Variants in NEURL3 observed in about 807,000 individuals in gnomAD.
The protein encoded by NEURL3 is neuralized E3 ubiquitin protein ligase 3.
NEURL3 carries 19 observed loss-of-function variants against 17.6 expected under a neutral mutation model. The ratio of observed to expected loss-of-function variants is 1.08; its 90% CI spans 0.75 to 1.58. NEURL3 has a LOEUF of 1.58. Among genes scored for constraint, NEURL3 ranks in the 40% most tolerant of loss-of-function variants. The probability of loss-of-function intolerance (pLI) is 0.00; values close to 1 mark genes in which losing one functional copy is unlikely to be tolerated. For missense variants in NEURL3, 342 were observed against 379.6 expected, an observed-to-expected ratio of 0.90 and a Z score of 0.82; for synonymous variants, 180 against 161.4, an observed-to-expected ratio of 1.11 and a Z score of -0.87.
At chr2:96,500,199 AACAG>A in intron 2 of NEURL3, 1 of 568,536 alleles carries the variant, frequency 1.8e-6, no homozygotes, top group Non-Finnish European at 3.1e-6. Flanking sequence ...GTGTTTGAGT[AACAG>A]ATGGTGTGAG....
chr2:96,501,200 A>G (rs1390425154), intron 1 of NEURL3, among the ~76,000 whole-genome samples: 2 of 152,132 alleles, frequency 1.3e-5, no homozygotes, highest in East Asian at 1.9e-4. Flanking sequence ...TGTTTGTTAT[A>G]CACGGTTTTT....
chr2:96,507,739 G>C (rs1363078569), upstream of NEURL3: 1 of 152,420 alleles, frequency 6.6e-6, no homozygotes, highest in Non-Finnish European at 1.5e-5. Context: ...TGGGATTACA[G>C]GCGTGAGCCA....
intron 1 of NEURL3, among the ~76,000 whole-genome samples, chr2:96,501,133 T>C (rs573744807): frequency 3.3e-5 from 5 of 152,348 alleles, no homozygotes; most frequent in African/African-American, 1.2e-4. Flanking sequence ...ACCAATCTAG[T>C]AATGGTTATT....
At chr2:96,501,554 G>A (rs2065507560) in intron 1 of NEURL3, among the ~76,000 whole-genome samples, 1 of 152,084 alleles carries the variant, frequency 6.6e-6, no homozygotes, top group Admixed American at 6.6e-5. Context: ...AAGGGGCTTG[G>A]CTGCTCCCCA....
chr2:96,500,392 G>A (rs1325965794), intron 2 of NEURL3, 47 bp downstream of exon 2: 1 of 1,592,848 alleles, frequency 6.3e-7, no homozygotes, highest in African/African-American at 1.3e-5. Context: ...TGCCACTGGA[G>A]CCCCCATCTC....
Position 96,500,779 on chromosome 2 carries a change from G to GC in NEURL3, c.173dup (p.Glu59ArgfsTer56). Reference sequence around the variant, plus strand: ...GCAGCACTCGCAGCGCCACACGCTCGCCCAGGCGCACCGGCCGCTGGCTGA... The same window carrying GC: ...GCAGCACTCGCAGCGCCACACGCTCGCCCCAGGCGCACCGGCCGCTGGCTGA... On this transcript the variant is annotated frameshift_variant, in exon 2 of 4. Coordinates refer to ENST00000451794, the MANE Select transcript of NEURL3 (RefSeq NM_001285485.2). LOFTEE classifies it high-confidence loss of function. The GC allele has an allele frequency of 6.6e-7, 1 of 1,526,200 alleles. No homozygotes were observed. Among genetic ancestry groups the GC allele is most frequent in the Non-Finnish European group, 8.8e-7 (1 of 1,142,310 alleles). The allele number at this position is 1,526,200 out of a possible 1,614,324, so 94.5% of individuals were successfully genotyped here.
rs2065470433 is a variant in NEURL3 at position 96,498,902 on chromosome 2, C to T, written c.587-456G>A. The stretch of plus-strand genomic sequence containing the variant: ...AAGCCATCCTTCCACCTCAGCCTCC[C>T]GAGTAGCTGGGGCCACAGACATGCA... On this transcript the variant is annotated intron_variant, in intron 3 of 3. Transcript: ENST00000451794. This position sits in a 1 kb window ranked among gnomAD's most constrained non-coding sequence, Gnocchi z 4.4. Among the ~76,000 whole-genome samples, 1 of 152,142 alleles carries T rather than the reference C, an allele frequency of 6.6e-6. No individual in the cohort carries two copies. Among genetic ancestry groups the T allele is most frequent in the African/African-American group, 2.4e-5 (1 of 41,420 alleles).
chr2:96,500,459 G>C lies in NEURL3; in HGVS notation c.494C>G (p.Thr165Ser), dbSNP rs1284423264. ...LWAVMDVYGTTKAIELLDPTA... is the reference protein window; with the variant it reads ...LWAVMDVYGTSKAIELLDPTA... Reference sequence around the variant, plus strand: ...CTCACCCAGCAGCTCGATGGCCTTAGTGGTCCCATACACGTCCATCACGGC... The same window carrying C: ...CTCACCCAGCAGCTCGATGGCCTTACTGGTCCCATACACGTCCATCACGGC... The change falls in exon 2 of 4, where the codon ACT (threonine) becomes AGT (serine). Residue 165 changes from threonine to serine, a missense_variant. Thr to Ser is a moderately conservative substitution (Grantham distance 58). Transcript: ENST00000451794. 20 of 1,597,282 alleles carry C rather than the reference G, an allele frequency of 1.3e-5. No homozygotes were observed. Among genetic ancestry groups the C allele is most frequent in the Non-Finnish European group, 1.6e-5 (19 of 1,179,266 alleles).
At chr2:96,502,343 T>C (rs2065517103) in intron 1 of NEURL3, among the ~76,000 whole-genome samples, 2 of 152,150 alleles carry the variant, frequency 1.3e-5, no homozygotes, top group South Asian at 2.1e-4. Flanking sequence ...CTGACATCAG[T>C]GAACCTGACC....
chr2:96,505,541 C>G (rs1186022211), upstream of NEURL3, among the ~76,000 whole-genome samples: 2 of 152,328 alleles, frequency 1.3e-5, no homozygotes, highest in East Asian at 3.9e-4. Flanking sequence ...GGGGGTCTGG[C>G]CTGGGTAGGT....
intron 1 of NEURL3, 89 bp from the exon 2 acceptor site, chr2:96,501,013 C>A: frequency 7.2e-7 from 1 of 1,382,172 alleles, no homozygotes; most frequent in East Asian, 2.8e-5. Context: ...GAGTCCCTCA[C>A]ACCTGGGAGC....
intron 1 of NEURL3, among the ~76,000 whole-genome samples, chr2:96,501,802 T>G (rs1372324837): frequency 6.6e-6 from 1 of 152,142 alleles, no homozygotes; most frequent in Non-Finnish European, 1.5e-5. Context: ...CCTCCCCTCC[T>G]GGTCCTGCTC....
At chr2:96,504,258 T>C (rs942326402) in intron 1 of NEURL3, among the ~76,000 whole-genome samples, 1 of 122,064 alleles carries the variant, frequency 8.2e-6, no homozygotes, top group Non-Finnish European at 1.7e-5. Context: ...CTTTGCAGCC[T>C]CTTTTTCTCC....
Position 96,498,846 on chromosome 2 carries a change from C to T in NEURL3, c.587-400G>A, listed in dbSNP as rs1341128660. Reference sequence around the variant, plus strand: ...AGGCTGGAGTGCAGTGGTGTGATCACAGCTCACTGCAGCCTCAGCCAGCTG... The same window carrying T: ...AGGCTGGAGTGCAGTGGTGTGATCATAGCTCACTGCAGCCTCAGCCAGCTG... On this transcript the variant is annotated intron_variant, in intron 3 of 3. Transcript: ENST00000451794. The surrounding 1 kb of genome is among the most constrained non-coding windows in gnomAD (Gnocchi z 4.4). Among the ~76,000 whole-genome samples the T allele has an allele frequency of 6.6e-6, 1 of 152,128 alleles. No individual in the cohort carries two copies. The highest frequency in any genetic ancestry group is 2.4e-5 in the African/African-American group (1 of 41,412).
rs748689310 is a variant in NEURL3 at position 96,500,751 on chromosome 2, C to T, written c.202G>A (p.Glu68Lys). Residue 68 changes from glutamate (E) to lysine (K), a missense_variant, in exon 2 of 4, where the codon GAG becomes AAG. Coordinates refer to ENST00000451794, the MANE Select transcript of NEURL3 (RefSeq NM_001285485.2). ...GERVALRVLR[E>K]ESGWCGGLRV... is the part of the protein sequence containing the mutation. The stretch of plus-strand genomic sequence containing the variant: ...AGGCCGCCGCACCAGCCGCTCTCCT[C>T]CCGCAGCACTCGCAGCGCCACACGC... The T allele has an allele frequency of 7.8e-5, 119 of 1,523,778 alleles. No individual in the cohort carries two copies. The highest frequency in any genetic ancestry group is 7.6e-4 in the South Asian group (63 of 83,146). 94.4% of individuals were successfully genotyped at this position (1,523,778 alleles called of 1,614,324 possible).
In NEURL3 at chr2:96,500,897, C is replaced by A; in HGVS notation, c.56G>T (p.Arg19Leu). The A allele has an allele frequency of 1.3e-6, 2 of 1,564,612 alleles. No individual in the cohort carries two copies. The highest frequency in any genetic ancestry group is 1.7e-6 in the Non-Finnish European group (2 of 1,164,408). The change falls in exon 2 of 4, where the codon CGC becomes CTC. Residue 19 changes from arginine (R) to leucine (L), a missense_variant. Transcript: ENST00000451794. ...ANAKAPREAL[R>L]FHAEAKGAQV... ...TGCGCCCTTGGCCTCGGCATGGAAGCGAAGTGCCTCTCGGGGCGCCTTGGC... is the reference window on the plus strand; with the variant it reads ...TGCGCCCTTGGCCTCGGCATGGAAGAGAAGTGCCTCTCGGGGCGCCTTGGC...
At position 96,497,647 on chromosome 2, in the gene NEURL3, T is replaced by A. The variant is rs1260896295; in HGVS notation, c.*597A>T. 6.6e-6 allele frequency: 1 copy of A among 152,346 alleles called. No homozygotes were observed. The highest frequency in any genetic ancestry group is 2.4e-5 in the African/African-American group (1 of 41,422). The allele number at this position is 152,346 out of a possible 1,614,324, so 9.4% of individuals were successfully genotyped here. On this transcript the variant is annotated 3_prime_UTR_variant, in exon 4 of 4. Transcript: ENST00000451794. The stretch of plus-strand genomic sequence containing the variant: ...GAGGATACAGGCACTACAAAATCAT[T>A]CAGGAAACACAAACTTTATTTTGAT...
intron 3 of NEURL3, 87 bp downstream of exon 3, chr2:96,499,291 T>C: frequency 6.5e-7 from 1 of 1,550,064 alleles, no homozygotes; most frequent in African/African-American, 1.4e-5. Context: ...GAGACTTGAA[T>C]GAACAACCAG....
In NEURL3 at chr2:96,500,500, G is replaced by A; in HGVS notation, c.453C>T (p.Val151=). The A allele has an allele frequency of 3.1e-6, 5 of 1,592,800 alleles. No individual in the cohort carries two copies. Among genetic ancestry groups the A allele is most frequent in the Non-Finnish European group, 3.4e-6 (4 of 1,177,592 alleles). The change falls in exon 2 of 4, where the codon GTC becomes GTT. Residue 151 remains valine (V), a synonymous_variant. Coordinates refer to ENST00000451794, the MANE Select transcript of NEURL3 (RefSeq NM_001285485.2). ...CRLLLREGVP[V]GAPLWAVMDV... is the part of the protein sequence containing the mutation. ...CCATCACGGCCCAGAGCGGGGCGCC[G>A]ACGGGCACGCCCTCACGCAGCAGGA...
Sources: allele counts gnomAD v4.1 joint callset (sites outside exome capture counted in the v4.1 genomes callset), GRCh38; gene constraint gnomAD v4.1.1; non-coding constraint Gnocchi (gnomAD v3.1); transcripts MANE v1.5; gene names NCBI Gene and HGNC (gene_info 2026-07-23, HGNC 2026-07-21).